Variants in EBF1 observed in about 807,000 individuals in gnomAD.
EBF1 encodes EBF transcription factor 1.
In EBF1, 10 loss-of-function variants were observed where a neutral mutation model predicts 68.4. The observed-to-expected ratio is 0.15, with a 90% CI of 0.09 to 0.25. The LOEUF is 0.25. Among genes scored for constraint, EBF1 ranks in the 10% least tolerant of loss-of-function variants. EBF1 has a pLI of 1.00. For missense variants in EBF1, 509 were observed against 794.4 expected, an observed-to-expected ratio of 0.64 and a Z score of 4.32; for synonymous variants, 298 against 299.8, an observed-to-expected ratio of 0.99 and a Z score of 0.06.
chr5:158,826,686 C>A (rs564536318), intron 7 of EBF1, among the ~76,000 whole-genome samples: 3 of 152,150 alleles, frequency 2.0e-5, no homozygotes, highest in Admixed American at 6.5e-5. Context: ...GATTAACACT[C>A]AGCATGTTCC....
intron 6 of EBF1, among the ~76,000 whole-genome samples, chr5:159,029,351 A>T (rs963864312): frequency 6.6e-5 from 10 of 152,234 alleles, no homozygotes; most frequent in Non-Finnish European, 1.3e-4. Flanking sequence ...ATTTGACATT[A>T]TGCATTGAGA....
chr5:159,052,577 T>G (rs1340327084), intron 6 of EBF1, among the ~76,000 whole-genome samples: 1 of 152,222 alleles, frequency 6.6e-6, no homozygotes, highest in Non-Finnish European at 1.5e-5. Flanking sequence ...CCCACACTTT[T>G]GTTTTTTCTC....
intron 6 of EBF1, among the ~76,000 whole-genome samples, chr5:158,858,531 AG>A (rs775940274): frequency 6.6e-6 from 1 of 152,192 alleles, no homozygotes; most frequent in Non-Finnish European, 1.5e-5. Context: ...CCAAGGCTTA[AG>A]GGACAAACAT....
At chr5:158,978,315 C>G (rs766334728) in intron 6 of EBF1, among the ~76,000 whole-genome samples, 2 of 152,216 alleles carry the variant, frequency 1.3e-5, no homozygotes, top group African/African-American at 4.8e-5. Flanking sequence ...AGGGGCCAGG[C>G]GGATGTCTTT....
chr5:158,731,941 CTTAAA>C (rs1357915945), intron 10 of EBF1, among the ~76,000 whole-genome samples: 2 of 152,074 alleles, frequency 1.3e-5, no homozygotes, highest in Non-Finnish European at 2.9e-5. Context: ...TTAAAGCATC[CTTAAA>C]TTAAACACAA....
chr5:159,031,273 T>G (rs1320181749), intron 6 of EBF1, among the ~76,000 whole-genome samples: 1 of 152,192 alleles, frequency 6.6e-6, no homozygotes, highest in Non-Finnish European at 1.5e-5. Context: ...TGTCGGAATT[T>G]ATAAAAGAGG....
chr5:158,922,856 CT>C lies in EBF1; in HGVS notation c.555-82747del, dbSNP rs1180089154. 1.7e-4 allele frequency among the ~76,000 whole-genome samples: 26 copies of C among 152,276 alleles called. No homozygotes were observed. The South Asian group carries it at 4.4e-3, about 26-fold the overall frequency. ...GGACTATCATTTATTTTATTTTACT[CT>C]TTTTTCTAACCACTCTCTGTCCAGG... On this transcript the variant is annotated intron_variant, in intron 6 of 15. Coordinates refer to ENST00000313708, the MANE Select transcript of EBF1 (RefSeq NM_024007.5).
intron 10 of EBF1, among the ~76,000 whole-genome samples, chr5:158,739,873 C>A (rs868788766): frequency 6.6e-6 from 1 of 152,212 alleles, no homozygotes; most frequent in African/African-American, 2.4e-5. Flanking sequence ...TGACACTATA[C>A]TTTTATCACC....
At chr5:158,778,529 T>C (rs1361689192) in intron 9 of EBF1, among the ~76,000 whole-genome samples, 1 of 152,156 alleles carries the variant, frequency 6.6e-6, no homozygotes, top group Non-Finnish European at 1.5e-5. Flanking sequence ...AACATGCTTG[T>C]TCTGTTCTCA....
intron 11 of EBF1, among the ~76,000 whole-genome samples, chr5:158,727,844 A>G (rs1763306243): frequency 6.6e-6 from 1 of 152,178 alleles, no homozygotes; most frequent in South Asian, 2.1e-4. Context: ...GAAAAAGCAC[A>G]TGCCTGTATA....
At chr5:158,828,139 C>G (rs1175185253) in intron 7 of EBF1, among the ~76,000 whole-genome samples, 1 of 152,032 alleles carries the variant, frequency 6.6e-6, no homozygotes, top group African/African-American at 2.4e-5. Flanking sequence ...TTGAAGTACA[C>G]TAAATGAAAA....
intron 10 of EBF1, among the ~76,000 whole-genome samples, chr5:158,744,689 A>G (rs1767163609): frequency 6.6e-6 from 1 of 152,206 alleles, no homozygotes; most frequent in Non-Finnish European, 1.5e-5. Flanking sequence ...TTAGCTTATC[A>G]TAAGAGCCAT....
At chr5:158,732,123 T>C (rs1265307314) in intron 10 of EBF1, among the ~76,000 whole-genome samples, 4 of 152,290 alleles carry the variant, frequency 2.6e-5, no homozygotes, top group African/African-American at 9.6e-5. Flanking sequence ...GTGGGTGTTT[T>C]TTTAAAATTT....
At chr5:158,860,463 T>C (rs917066801) in intron 6 of EBF1, among the ~76,000 whole-genome samples, 1 of 152,164 alleles carries the variant, frequency 6.6e-6, no homozygotes, top group Admixed American at 6.5e-5. Flanking sequence ...AGAATGCAGA[T>C]CTGGGGTATA....
chr5:158,893,981 A>G (rs2127248769), intron 6 of EBF1, among the ~76,000 whole-genome samples: 1 of 152,350 alleles, frequency 6.6e-6, no homozygotes, highest in East Asian at 1.9e-4. Context: ...CTGTTAAAAC[A>G]TTTAAAATGA....
At chr5:158,740,486 C>T (rs1161097297) in intron 10 of EBF1, among the ~76,000 whole-genome samples, 1 of 152,108 alleles carries the variant, frequency 6.6e-6, no homozygotes, top group African/African-American at 2.4e-5. Context: ...AAACAAATCC[C>T]AAGAATGGTG....
chr5:158,917,219 T>C (rs1214431486), intron 6 of EBF1, among the ~76,000 whole-genome samples: 1 of 152,216 alleles, frequency 6.6e-6, no homozygotes, highest in Admixed American at 6.5e-5. Context: ...CTGGTGGCCC[T>C]ATGTCTCTAC....
chr5:158,983,658 G>A (rs1416928375), intron 6 of EBF1: 1 of 152,146 alleles, frequency 6.6e-6, no homozygotes, highest in African/African-American at 2.4e-5. Flanking sequence ...CTCCCTATTG[G>A]CTCTAATGTC....
intron 11 of EBF1, among the ~76,000 whole-genome samples, chr5:158,730,237 C>T (rs1190425761): frequency 3.3e-5 from 5 of 152,178 alleles, no homozygotes; most frequent in Non-Finnish European, 7.3e-5. Flanking sequence ...GAACTTCCTT[C>T]GCATTTAACT....
Sources: allele counts gnomAD v4.1 joint callset (sites outside exome capture counted in the v4.1 genomes callset), GRCh38; gene constraint gnomAD v4.1.1; transcripts MANE v1.5; gene names NCBI Gene and HGNC (gene_info 2026-07-23, HGNC 2026-07-21).